The following ADGRL3 variants were observed in gnomAD, a reference collection of about 807,000 sequenced individuals.
The protein encoded by ADGRL3 is adhesion G protein-coupled receptor L3.
In ADGRL3, 62 loss-of-function variants were observed where a neutral mutation model predicts 153.5. That is an observed-to-expected ratio of 0.40 (90% CI 0.33 to 0.50). The LOEUF is 0.50. Ranked by LOEUF, ADGRL3 falls within the 20% of genes least tolerant of loss-of-function variation. The probability of loss-of-function intolerance (pLI) is 0.47; values close to 1 mark genes in which losing one functional copy is unlikely to be tolerated. For synonymous variants in ADGRL3, 710 were observed against 672.5 expected (o/e 1.06, Z -0.86); for missense variants, 1,641 against 1,859.4 (o/e 0.88, Z 2.16).
intron 4 of ADGRL3, among the ~76,000 whole-genome samples, chr4:61,586,256 A>T (rs1485545362): frequency 6.6e-6 from 1 of 152,014 alleles, no homozygotes; most frequent in East Asian, 1.9e-4. Context: ...GTATTTGGAT[A>T]ATTAGGTTTT....
At chr4:61,490,598 G>A (rs886824300) in intron 2 of ADGRL3, among the ~76,000 whole-genome samples, 2 of 151,914 alleles carry the variant, frequency 1.3e-5, no homozygotes, top group Non-Finnish European at 2.9e-5. Context: ...AAGTATTCAT[G>A]ATTAGAACAT....
intron 8 of ADGRL3, among the ~76,000 whole-genome samples, chr4:61,807,261 C>T (rs146813267): frequency 0.019 from 2,914 of 151,704 alleles, 45 homozygotes; most frequent in Middle Eastern, 0.038. Context: ...CATTTTTTCT[C>T]TTTTGCTATT....
intron 5 of ADGRL3, among the ~76,000 whole-genome samples, chr4:61,603,867 A>G (rs945647840): frequency 1.3e-5 from 2 of 152,080 alleles, no homozygotes; most frequent in African/African-American, 4.8e-5. Context: ...ACAAAACCCA[A>G]GTCAATCAAA....
At chr4:61,477,495 T>C (rs1287038838) in intron 2 of ADGRL3, among the ~76,000 whole-genome samples, 1 of 152,176 alleles carries the variant, frequency 6.6e-6, no homozygotes, top group Non-Finnish European at 1.5e-5. Flanking sequence ...GATACAAAAA[T>C]GTTATGGAAT....
chr4:61,721,206 G>A (rs1580449357), intron 6 of ADGRL3, among the ~76,000 whole-genome samples: 1 of 152,072 alleles, frequency 6.6e-6, no homozygotes, highest in African/African-American at 2.4e-5. Context: ...AAGGAGTATT[G>A]ACACACGATC....
chr4:61,241,355 T>C (rs1168436571), intron 1 of ADGRL3, among the ~76,000 whole-genome samples: 1 of 151,992 alleles, frequency 6.6e-6, no homozygotes, highest in Non-Finnish European at 1.5e-5. Context: ...TTCCAGAAGA[T>C]CTTGAATGAT....
At chr4:61,822,919 C>G (rs1157410660) in intron 9 of ADGRL3, among the ~76,000 whole-genome samples, 1 of 152,168 alleles carries the variant, frequency 6.6e-6, no homozygotes, top group Non-Finnish European at 1.5e-5. Flanking sequence ...TTTGATGTGA[C>G]TGGTTGCAGA....
At chr4:61,315,730 C>T (rs2095185542) in intron 1 of ADGRL3, among the ~76,000 whole-genome samples, 1 of 152,086 alleles carries the variant, frequency 6.6e-6, no homozygotes, top group African/African-American at 2.4e-5. Context: ...CTCTTGGCAG[C>T]TGTTTTTTAA....
chr4:61,201,490 T>G lies in ADGRL3; in HGVS notation c.-515T>G, dbSNP rs1350631494. 6.6e-6 allele frequency: 1 copy of G among 152,272 alleles called. No homozygotes were observed. The highest frequency in any genetic ancestry group is 2.4e-5 in the African/African-American group (1 of 41,458). The allele number at this position is 152,272 out of a possible 1,614,324, so 9.4% of individuals were successfully genotyped here. ...GAGGAACGTAAAGGAAGGCGAACAT[T>G]TGGCTCTCTTTTTCCTTCCCCTTTC... On this transcript the variant is annotated 5_prime_UTR_variant, in exon 1 of 27. The change creates a new upstream start codon in the 5' untranslated region. Transcript: ENST00000683033.
At chr4:62,035,567 A>G (rs1052135707) in intron 23 of ADGRL3, among the ~76,000 whole-genome samples, 1 of 152,096 alleles carries the variant, frequency 6.6e-6, no homozygotes, top group African/African-American at 2.4e-5. Flanking sequence ...AAATTACTAA[A>G]CTATCATTGA....
intron 21 of ADGRL3, among the ~76,000 whole-genome samples, chr4:62,010,708 A>AATTATTTATTATTGTAATTATTAATT (rs2099181825): frequency 4.0e-5 from 6 of 151,752 alleles, no homozygotes; most frequent in Non-Finnish European, 8.8e-5. Context: ...ATGAAAAGGG[A>AATTATTTATTATTGTAATTATTAATT]ACATTTAATT....
chr4:61,488,956 T>A (rs1050803167), intron 2 of ADGRL3, among the ~76,000 whole-genome samples: 2 of 151,992 alleles, frequency 1.3e-5, no homozygotes, highest in African/African-American at 4.8e-5. Flanking sequence ...CCACTCACAA[T>A]CTTTTATCGA....
intron 5 of ADGRL3, among the ~76,000 whole-genome samples, chr4:61,665,436 C>T (rs532929509): frequency 6.7e-6 from 1 of 150,044 alleles, no homozygotes; most frequent in South Asian, 2.1e-4. Context: ...CAAAAACAAA[C>T]AAAAAAAAAC....
chr4:61,869,337 G>A (rs1300923982), intron 9 of ADGRL3, among the ~76,000 whole-genome samples: 1 of 151,994 alleles, frequency 6.6e-6, no homozygotes, highest in Non-Finnish European at 1.5e-5. Context: ...GGTGGCTCAC[G>A]CCTGTAATCC....
At chr4:62,028,445 C>T (rs1173331441) in intron 21 of ADGRL3, among the ~76,000 whole-genome samples, 2 of 151,674 alleles carry the variant, frequency 1.3e-5, no homozygotes, top group East Asian at 3.9e-4. Flanking sequence ...ATCTTACCTA[C>T]TAATATTACG....
intron 2 of ADGRL3, among the ~76,000 whole-genome samples, chr4:61,486,534 C>T (rs938974767): frequency 1.3e-5 from 2 of 152,098 alleles, no homozygotes; most frequent in African/African-American, 4.8e-5. Context: ...TTCGAGGATA[C>T]GTTGACCTAT....
rs10517544 is a variant in ADGRL3 at position 61,693,286 on chromosome 4, G to A, written c.583+16351G>A. Among the ~76,000 whole-genome samples the A allele has an allele frequency of 5.4e-3, 827 of 151,744 alleles. 5 individuals carry two copies. Among genetic ancestry groups the A allele is most frequent in the African/African-American group, 0.019 (784 of 41,354 alleles). On this transcript the variant is annotated intron_variant, in intron 6 of 26. Coordinates refer to ENST00000683033, the MANE Select transcript of ADGRL3 (RefSeq NM_001387552.1). ...CTATATAAAGTAACCAAATTAAACA[G>A]TAAAGTGTCATGTTCACCTTTCTAA...
At chr4:61,761,538 AG>A (rs2096912305) in intron 8 of ADGRL3, among the ~76,000 whole-genome samples, 1 of 152,160 alleles carries the variant, frequency 6.6e-6, no homozygotes, top group Admixed American at 6.5e-5. Flanking sequence ...TCATGCCCTT[AG>A]CCCCAGCACT....
At chr4:61,758,769 T>C (rs1208406715) in intron 8 of ADGRL3, among the ~76,000 whole-genome samples, 1 of 152,226 alleles carries the variant, frequency 6.6e-6, no homozygotes, top group Admixed American at 6.5e-5. Context: ...AGTTTCTTCC[T>C]AGTCTTGATG....
Sources: gnomAD v4.1 joint callset for allele counts (sites outside exome capture counted in the v4.1 genomes callset) on GRCh38, gnomAD v4.1.1 for gene constraint, MANE v1.5 for transcripts, NCBI Gene and HGNC (gene_info 2026-07-23, HGNC 2026-07-21) for gene names.